CLCN5: variants seen among roughly 807,000 people sequenced by gnomAD.
CLCN5 encodes H(+)/Cl(-) exchange transporter 5.
CLCN5 carries 17 observed loss-of-function variants against 54.0 expected under a neutral mutation model. That is an observed-to-expected ratio of 0.31 (90% confidence interval 0.22 to 0.47). The LOEUF is 0.47. Ranked by LOEUF, CLCN5 falls within the 20% of genes least tolerant of loss-of-function variation. The pLI is 1.00. For missense variants in CLCN5, 448 were observed against 646.7 expected, an observed-to-expected ratio of 0.69 and a Z score of 3.33; for synonymous variants, 222 against 233.0, an observed-to-expected ratio of 0.95 and a Z score of 0.43.
Position 50,098,178 on chromosome X carries a change from A to C in CLCN5, c.*5959A>C, listed in dbSNP as rs2147623799. The C allele has an allele frequency of 8.9e-6, 1 of 112,471 alleles. No homozygotes were observed. The highest frequency in any genetic ancestry group is 2.8e-4 in the East Asian group (1 of 3,560). The allele number at this position is 112,471 out of a possible 1,213,427, so 9.3% of individuals were successfully genotyped here. Reference sequence around the variant, plus strand: ...GTCCTTTGGGACTTTGTGATGATTAAGAATTTATTCCATTCAGGATTTTAA... The same window carrying C: ...GTCCTTTGGGACTTTGTGATGATTACGAATTTATTCCATTCAGGATTTTAA... On this transcript the variant is annotated 3_prime_UTR_variant, in exon 15 of 15. Transcript: ENST00000376091.
At chrX:50,092,064 C>A in intron 14 of CLCN5, 65 bp from the exon 15 acceptor site, 1 of 820,712 alleles carries the variant, frequency 1.2e-6, no homozygotes, top group Non-Finnish European at 1.8e-6. Flanking sequence ...ACAAGTATCA[C>A]CTTTGGGAAT....
intron 4 of CLCN5, among the ~76,000 whole-genome samples, chrX:50,053,072 C>A (rs969228167): frequency 3.6e-5 from 4 of 111,378 alleles, no homozygotes; most frequent in African/African-American, 1.3e-4. Flanking sequence ...GATTTTTAAT[C>A]TTTTTAAAGT....
chrX:49,953,934 C>A (rs1927184485), intron 3 of CLCN5, among the ~76,000 whole-genome samples: 2 of 111,680 alleles, frequency 1.8e-5, no homozygotes, highest in African/African-American at 6.5e-5. Context: ...TAGTGTATTC[C>A]TTTAGTTACG....
intron 8 of CLCN5, 50 bp downstream of exon 8, chrX:50,080,766 G>A: frequency 1.9e-6 from 2 of 1,051,648 alleles, no homozygotes; most frequent in Non-Finnish European, 2.7e-6. Flanking sequence ...AATACTTTTT[G>A]GTTAAAATCT....
At chrX:50,027,019 T>TTC (rs1428854675) in intron 3 of CLCN5, among the ~76,000 whole-genome samples, 1,071 of 102,760 alleles carry the variant, frequency 0.01, 12 homozygotes, top group African/African-American at 0.037. Flanking sequence ...CTTTCTTTCT[T>TTC]TTTTTTTTTT....
chrX:49,939,756 T>G lies in CLCN5; in HGVS notation c.16+14442T>G, dbSNP rs781820158. 2.7e-5 allele frequency among the ~76,000 whole-genome samples: 3 copies of G among 111,541 alleles called. 1 individual carries two copies. The South Asian group carries it at 1.1e-3, about 43-fold the overall frequency. ...ATACATATGTAACAAACCTGCACAT[T>G]GTGCACATGTACCCTAAAACTTAAA... On this transcript the variant is annotated intron_variant, in intron 3 of 14. Coordinates refer to ENST00000376091, the MANE Select transcript of CLCN5 (RefSeq NM_001127898.4).
intron 4 of CLCN5, among the ~76,000 whole-genome samples, chrX:50,065,852 G>A (rs1395031720): frequency 2.1e-4 from 21 of 100,662 alleles, no homozygotes; most frequent in East Asian, 3.2e-4. Flanking sequence ...ATGAGTTCAT[G>A]TCCTTTGTAG....
At chrX:50,086,986 A>G in intron 11 of CLCN5, 116 bp downstream of exon 11, 2 of 686,130 alleles carry the variant, frequency 2.9e-6, no homozygotes, top group East Asian at 3.4e-5. Context: ...TCCCCCTCAC[A>G]TTATTCCCCC....
chrX:50,067,548 C>A, intron 4 of CLCN5: 2 of 743,849 alleles, frequency 2.7e-6, no homozygotes, highest in Non-Finnish European at 1.6e-6. Context: ...CACGTGACTC[C>A]AACAGTGACA....
At chrX:49,936,271 T>C (rs1381607887) in intron 3 of CLCN5, among the ~76,000 whole-genome samples, 1 of 111,847 alleles carries the variant, frequency 8.9e-6, no homozygotes, top group Non-Finnish European at 1.9e-5. Flanking sequence ...ATTCAATGTG[T>C]CTCTTTGATC....
chrX:49,924,584 G>T (rs1444741382), intron 2 of CLCN5, among the ~76,000 whole-genome samples: 1 of 111,514 alleles, frequency 9.0e-6, no homozygotes, highest in East Asian at 2.8e-4. Context: ...CTTCTTCTTT[G>T]GTTCATTTTC....
At chrX:50,040,396 G>A (rs1405756909) in intron 3 of CLCN5, among the ~76,000 whole-genome samples, 6 of 111,700 alleles carry the variant, frequency 5.4e-5, no homozygotes, top group Non-Finnish European at 9.4e-5. Flanking sequence ...GTACCTTGGG[G>A]TAACTTTGTA....
intron 3 of CLCN5, among the ~76,000 whole-genome samples, chrX:50,016,259 C>G (rs933933669): frequency 2.7e-5 from 3 of 111,635 alleles, no homozygotes; most frequent in Admixed American, 9.6e-5. Context: ...AATTTCTATT[C>G]TGTCATTACT....
intron 7 of CLCN5, among the ~76,000 whole-genome samples, chrX:50,079,982 T>C (rs1454175716): frequency 1.8e-5 from 2 of 111,787 alleles, no homozygotes; most frequent in Non-Finnish European, 3.8e-5. Flanking sequence ...GCATGTAAGT[T>C]TATTTCAATG....
intron 4 of CLCN5, among the ~76,000 whole-genome samples, chrX:50,060,470 A>G (rs1164614139): frequency 9.3e-6 from 1 of 107,741 alleles, no homozygotes; most frequent in Non-Finnish European, 1.9e-5. Context: ...ACGGCGCACC[A>G]CGAGACTATA....
chrX:50,016,778 T>A (rs146543690), intron 3 of CLCN5, among the ~76,000 whole-genome samples: 1,341 of 108,089 alleles, frequency 0.012, 17 homozygotes, highest in African/African-American at 0.042. Flanking sequence ...TGATCATTTT[T>A]CTGTCTCCAT....
At chrX:50,073,258 G>A (rs2147552539) in intron 6 of CLCN5, among the ~76,000 whole-genome samples, 1 of 112,065 alleles carries the variant, frequency 8.9e-6, no homozygotes, top group Admixed American at 9.5e-5. Flanking sequence ...ATGGTAAGAG[G>A]TGTGTCCTTA....
Position 50,012,792 on chromosome X carries a change from C to T in CLCN5, c.17-29524C>T, listed in dbSNP as rs781886758. The stretch of plus-strand genomic sequence containing the variant: ...CATCCCTGACCTACTACACCATAAA[C>T]CATGGAAATCTGTACTTTACCAAGG... On this transcript the variant is annotated intron_variant, in intron 3 of 14. Coordinates refer to ENST00000376091, the MANE Select transcript of CLCN5 (RefSeq NM_001127898.4). 2.7e-5 allele frequency among the ~76,000 whole-genome samples: 3 copies of T among 111,889 alleles called. No homozygotes were observed. In the East Asian group the frequency reaches 8.5e-4, roughly 32 times the overall value.
At chrX:50,067,048 A>T (rs183805021) in intron 4 of CLCN5, among the ~76,000 whole-genome samples, 175 of 111,645 alleles carry the variant, frequency 1.6e-3, no homozygotes, top group African/African-American at 5.3e-3. Flanking sequence ...CCCCTCCCAC[A>T]TGGCAGCCCT....
Sources: gnomAD v4.1 joint callset for allele counts (sites outside exome capture counted in the v4.1 genomes callset) on GRCh38, gnomAD v4.1.1 for gene constraint, MANE v1.5 for transcripts, NCBI Gene and HGNC (gene_info 2026-07-23, HGNC 2026-07-21) for gene names.